Variants in ASB14 observed in about 807,000 individuals in gnomAD.
The protein encoded by ASB14 is ankyrin repeat and SOCS box protein 14.
A neutral mutation model predicts 55.6 loss-of-function variants in ASB14; 63 were observed. The ratio of observed to expected loss-of-function variants is 1.13; its 90% confidence interval spans 0.92 to 1.40. The LOEUF is 1.40. Among genes scored for constraint, ASB14 ranks in the 40% most tolerant of loss-of-function variants. The pLI is 0.00. For missense variants in ASB14, 724 were observed against 710.4 expected (o/e 1.02, Z -0.22); for synonymous variants, 256 against 259.9 (o/e 0.98, Z 0.15).
rs777457485 is a variant in ASB14, at chr3:57,268,491, T to C, written c.*1150A>G. On this transcript the variant is annotated 3_prime_UTR_variant, in exon 11 of 11. Coordinates refer to ENST00000487349, the MANE Select transcript of ASB14 (RefSeq NM_001142733.3). ...TAAACAAAAACAGATTGAAAAGGTA[T>C]ACAGTCCTAATGTCTGGATCTTTAT... 2 of 1,601,444 alleles carry C rather than the reference T, an allele frequency of 1.2e-6. No individual in the cohort carries two copies. Among genetic ancestry groups the C allele is most frequent in the Non-Finnish European group, 1.7e-6 (2 of 1,175,960 alleles).
rs1169780056 is a variant in ASB14, at chr3:57,280,480, G to A, written c.716-7C>T. 6.5e-7 allele frequency: 1 copy of A among 1,543,544 alleles called. No individual in the cohort carries two copies. The highest frequency in any genetic ancestry group is 8.8e-7 in the Non-Finnish European group (1 of 1,141,420). ...TGACCATGAGCATTAGCTCCTAAGA[G>A]GAGAAAGACTCTTGTTAATGCAAAA... is the stretch of plus-strand genomic sequence containing the variant. On this transcript the variant is annotated splice_polypyrimidine_tract_variant and splice_region_variant and intron_variant, in intron 6 of 10. Coordinates refer to ENST00000487349, the MANE Select transcript of ASB14 (RefSeq NM_001142733.3).
chr3:57,288,775 C>T (rs530395224), intron 3 of ASB14, among the ~76,000 whole-genome samples: 15 of 132,072 alleles, frequency 1.1e-4, no homozygotes, highest in African/African-American at 2.4e-4. Context: ...AGTGTGGTGG[C>T]GCAATCTCGG....
intron 10 of ASB14, among the ~76,000 whole-genome samples, chr3:57,276,074 C>G (rs1439924312): frequency 6.6e-6 from 1 of 152,020 alleles, no homozygotes; most frequent in Admixed American, 6.6e-5. Context: ...ATATACTTCT[C>G]TATAAAAAAG....
At position 57,276,881 on chromosome 3, in the gene ASB14, CTTG is replaced by C. The variant is rs559028190; in HGVS notation, c.1586-156_1586-154del. 1.3e-4 allele frequency among the ~76,000 whole-genome samples: 20 copies of C among 152,204 alleles called. No homozygotes were observed. In the East Asian group the frequency reaches 3.1e-3, roughly 23 times the overall value. ...CAGTTTTTCAGTTCTTATTGCAATC[CTTG>C]TTGTAGATATGGTTCCAGAGCCATG... On this transcript the variant is annotated intron_variant, in intron 9 of 10. Transcript: ENST00000487349.
At position 57,278,708 on chromosome 3, in the gene ASB14, CTGTT is replaced by C; in HGVS notation, c.1096_1099del (p.Asn366ValfsTer10). The C allele has an allele frequency of 6.2e-7, 1 of 1,614,100 alleles. No homozygotes were observed. The highest frequency in any genetic ancestry group is 8.5e-7 in the Non-Finnish European group (1 of 1,180,016). ...AAGCAGCTTGACTGAAGAGAGGTCA[CTGTT>C]TGATACAGCAAAATACAAAGCTGAC... is the stretch of plus-strand genomic sequence containing the variant. On this transcript the variant is annotated frameshift_variant, in exon 8 of 11. Coordinates refer to ENST00000487349, the MANE Select transcript of ASB14 (RefSeq NM_001142733.3). LOFTEE classifies it high-confidence loss of function.
chr3:57,284,821 T>C (rs1219123708), intron 5 of ASB14, among the ~76,000 whole-genome samples: 2 of 152,350 alleles, frequency 1.3e-5, no homozygotes, highest in African/African-American at 4.8e-5. Flanking sequence ...GAGAAGGCTT[T>C]TCTGCTCAGT....
At position 57,269,356 on chromosome 3, in the gene ASB14, GAT is replaced by G. The variant is rs972223022; in HGVS notation, c.*283_*284del. The G allele has an allele frequency of 2.7e-5, 14 of 519,382 alleles. No homozygotes were observed. The highest frequency in any genetic ancestry group is 5.1e-4 in the Middle Eastern group (1 of 1,958). 32.2% of individuals were successfully genotyped at this position (519,382 alleles called of 1,614,324 possible). On this transcript the variant is annotated 3_prime_UTR_variant, in exon 11 of 11. Coordinates refer to ENST00000487349, the MANE Select transcript of ASB14 (RefSeq NM_001142733.3). ...TTAGTTTGAATGCTGGCTTTTATAG[GAT>G]GGTGCCAAAATTCATTTTGGTGTTG... is the stretch of plus-strand genomic sequence containing the variant.
At chr3:57,280,272 AT>A in intron 7 of ASB14, 29 bp downstream of exon 7, 2 of 1,427,526 alleles carry the variant, frequency 1.4e-6, no homozygotes, top group African/African-American at 1.4e-5. Context: ...TACTGTTTTT[AT>A]TATTTATAAT....
Position 57,288,256 on chromosome 3 carries a change from T to C in ASB14, c.209A>G (p.Lys70Arg). Residue 70 changes from lysine to arginine, a missense_variant, in exon 4 of 11, where the codon AAG (lysine) becomes AGG (arginine). Coordinates refer to ENST00000487349, the MANE Select transcript of ASB14 (RefSeq NM_001142733.3). Reference sequence around the variant, plus strand: ...TGCTTCACCAAATGCGGAATGGTACTTGGTTAAGTGTGACAATGCATCTTC... The same window carrying C: ...TGCTTCACCAAATGCGGAATGGTACCTGGTTAAGTGTGACAATGCATCTTC... The part of the protein sequence containing the change: ...GKEDALSHLT[K>R]YHSAFGEADE... The C allele has an allele frequency of 6.5e-7, 1 of 1,537,162 alleles. No homozygotes were observed. Among genetic ancestry groups the C allele is most frequent in the Non-Finnish European group, 8.7e-7 (1 of 1,146,656 alleles).
chr3:57,277,833 T>G lies in ASB14; in HGVS notation c.1519A>C (p.Ile507Leu). 6.2e-7 allele frequency: 1 copy of G among 1,613,954 alleles called. No homozygotes were observed. Among genetic ancestry groups the G allele is most frequent in the Non-Finnish European group, 8.5e-7 (1 of 1,179,866 alleles). ...VMLDYVDQVRICSKLKAVLQK... is the reference protein window; with the variant it reads ...VMLDYVDQVRLCSKLKAVLQK... ...AGCACAGCTTTCAACTTTGAACAGA[T>G]CCGAACTTGATCAACATAATCAAGC... The change falls in exon 9 of 11, where the codon ATC becomes CTC. Residue 507 changes from isoleucine (I) to leucine (L), a missense_variant. By Grantham distance (5) the Ile-to-Leu change is conservative. Coordinates refer to ENST00000487349, the MANE Select transcript of ASB14 (RefSeq NM_001142733.3).
intron 3 of ASB14, chr3:57,288,839 C>A (rs7614600): frequency 2.8e-6 from 1 of 360,280 alleles, no homozygotes; most frequent in East Asian, 6.0e-5. Flanking sequence ...CCCACCCTCC[C>A]GAGTAGCTGG....
chr3:57,279,875 C>T (rs1212621337), intron 7 of ASB14, among the ~76,000 whole-genome samples: 1 of 152,008 alleles, frequency 6.6e-6, no homozygotes, highest in African/African-American at 2.4e-5. Flanking sequence ...CAGAACTGGC[C>T]TTTAATCATC....
chr3:57,292,146 G>A (rs2061137418), intron 1 of ASB14, 42 bp from the exon 2 acceptor site: 2 of 1,168,988 alleles, frequency 1.7e-6, no homozygotes, highest in Non-Finnish European at 2.2e-6. Context: ...CTAGAAAATT[G>A]GTAGGATTAA....
Position 57,278,382 on chromosome 3 carries a change from T to C in ASB14, c.1426A>G (p.Thr476Ala). Residue 476 changes from threonine (T) to alanine (A), a missense_variant, in exon 8 of 11, where the codon ACT (threonine) becomes GCT (alanine). Thr to Ala is a moderately conservative substitution (Grantham distance 58). Transcript: ENST00000487349. ...AGCCAATACTGTGGACTTACCTTAG[T>C]ATCTTTGATAACTGTAGATGTCCAG... ...EGWTSTVIKD[T>A]KFCEVITLSW... is the part of the protein sequence containing the mutation. The C allele has an allele frequency of 6.2e-7, 1 of 1,612,618 alleles. No individual in the cohort carries two copies. Among genetic ancestry groups the C allele is most frequent in the South Asian group, 1.1e-5 (1 of 91,032 alleles).
chr3:57,277,157 C>T (rs1465886584), intron 9 of ASB14, among the ~76,000 whole-genome samples: 2 of 151,628 alleles, frequency 1.3e-5, no homozygotes, highest in East Asian at 1.9e-4. Context: ...ATCTCAGCTA[C>T]TCGTGAGACT....
chr3:57,285,106 A>C (rs1048774173), intron 5 of ASB14, among the ~76,000 whole-genome samples: 2 of 151,740 alleles, frequency 1.3e-5, no homozygotes, highest in East Asian at 1.9e-4. Context: ...AAGCTCTGCT[A>C]ATTTTTGTAT....
At chr3:57,281,978 G>T (rs527520899) in intron 6 of ASB14, among the ~76,000 whole-genome samples, 5 of 152,264 alleles carry the variant, frequency 3.3e-5, no homozygotes, top group African/African-American at 1.2e-4. Flanking sequence ...ACTGATACTG[G>T]TTTCTTTGCA....
chr3:57,281,434 G>A (rs1449216588), intron 6 of ASB14, among the ~76,000 whole-genome samples: 2 of 152,088 alleles, frequency 1.3e-5, no homozygotes, highest in Non-Finnish European at 2.9e-5. Context: ...AATGGGCTCT[G>A]AAGAAAGAGT....
At chr3:57,285,407 T>C (rs1248461301) in intron 5 of ASB14, among the ~76,000 whole-genome samples, 4 of 152,164 alleles carry the variant, frequency 2.6e-5, no homozygotes, top group Non-Finnish European at 5.9e-5. Context: ...CCTGCTTGTA[T>C]TGATACTTGT....
Sources: gnomAD v4.1 joint callset for allele counts (sites outside exome capture counted in the v4.1 genomes callset) on GRCh38, gnomAD v4.1.1 for gene constraint, MANE v1.5 for transcripts, NCBI Gene and HGNC (gene_info 2026-07-23, HGNC 2026-07-21) for gene names.